The following DYNLT2 variants were observed in gnomAD, a reference collection of about 807,000 sequenced individuals.
The protein encoded by DYNLT2 is dynein light chain Tctex-type protein 2.
A neutral mutation model predicts 24.3 loss-of-function variants in DYNLT2; 24 were observed. The observed-to-expected ratio is 0.99, with a 90% CI of 0.71 to 1.39. The LOEUF (loss-of-function observed/expected upper bound fraction) is 1.39, where lower values mean the gene tolerates loss of function less well. Among genes scored for constraint, DYNLT2 ranks in the 40% most tolerant of loss-of-function variants. The pLI, the probability that DYNLT2 is intolerant of heterozygous loss-of-function variation, is 0.00. For missense variants in DYNLT2, 246 were observed against 234.5 expected (o/e 1.05, Z -0.32); for synonymous variants, 85 against 85.4 (o/e 1.00, Z 0.03).
chr6:169,749,801 A>C (rs75068537), intron 1 of DYNLT2: 156 of 152,350 alleles, frequency 1.0e-3, no homozygotes, highest in African/African-American at 3.3e-3. Context: ...ACTAGAAAAA[A>C]AGAAATGGAG....
the DYNLT2 span, among the ~76,000 whole-genome samples, chr6:169,729,695 A>G: frequency 6.6e-6 from 1 of 152,210 alleles, no homozygotes; most frequent in Non-Finnish European, 1.5e-5. Context: ...TTAGATTTAC[A>G]TGAGGTCACG....
chr6:169,739,686 C>G (rs190462580), downstream of DYNLT2, among the ~76,000 whole-genome samples: 5 of 152,124 alleles, frequency 3.3e-5, no homozygotes, highest in Admixed American at 2.0e-4. Flanking sequence ...TTGGCTGGAG[C>G]GGGAGGATAT....
At chr6:169,743,700 ACTT>A (rs1789729935) in intron 2 of DYNLT2, among the ~76,000 whole-genome samples, 2 of 152,304 alleles carry the variant, frequency 1.3e-5, no homozygotes, top group Non-Finnish European at 2.9e-5. Flanking sequence ...TATTAAAACT[ACTT>A]CTTTCCAGCC....
chr6:169,727,633 G>A, the DYNLT2 span, among the ~76,000 whole-genome samples: 2 of 151,742 alleles, frequency 1.3e-5, no homozygotes, highest in Admixed American at 6.6e-5. Context: ...GCCTGATCTC[G>A]GCTCACTGCA....
At chr6:169,729,491 C>A in the DYNLT2 span, among the ~76,000 whole-genome samples, 1 of 152,132 alleles carries the variant, frequency 6.6e-6, no homozygotes, top group Non-Finnish European at 1.5e-5. Flanking sequence ...GGAAGCTATA[C>A]AACTACATGC....
chr6:169,742,852 GCCTC>G (rs1789709331), intron 3 of DYNLT2, among the ~76,000 whole-genome samples: 2 of 152,178 alleles, frequency 1.3e-5, no homozygotes, highest in Non-Finnish European at 2.9e-5. Flanking sequence ...ACCTGCCTCA[GCCTC>G]CCAAACTACT....
At chr6:169,745,675 T>C (rs1320237276) in intron 1 of DYNLT2, among the ~76,000 whole-genome samples, 1 of 152,220 alleles carries the variant, frequency 6.6e-6, no homozygotes, top group Non-Finnish European at 1.5e-5. Flanking sequence ...TTCAGTTTGC[T>C]AGTATTTCGT....
intron 1 of DYNLT2, 176 bp downstream of exon 1, chr6:169,751,163 A>T: frequency 1.1e-6 from 1 of 939,974 alleles, no homozygotes; most frequent in Non-Finnish European, 1.6e-6. Context: ...TCCAAAGGGG[A>T]CTGCCCAACT....
the DYNLT2 span, among the ~76,000 whole-genome samples, chr6:169,726,049 C>T: frequency 6.6e-6 from 1 of 152,244 alleles, no homozygotes; most frequent in Admixed American, 6.5e-5. Flanking sequence ...ACACCATATT[C>T]TACATTGCAA....
At chr6:169,730,971 C>T in the DYNLT2 span, among the ~76,000 whole-genome samples, 2 of 152,192 alleles carry the variant, frequency 1.3e-5, no homozygotes, top group East Asian at 3.9e-4. Context: ...TGATACTACC[C>T]TTTTATAGGA....
At chr6:169,740,812 T>G (rs1183098153) in intron 3 of DYNLT2, among the ~76,000 whole-genome samples, 1 of 102,610 alleles carries the variant, frequency 9.7e-6, no homozygotes, top group Non-Finnish European at 1.8e-5. Context: ...TGGCCCCAAT[T>G]TTTTTTTTTT....
At chr6:169,728,299 ATAAGAT>A in the DYNLT2 span, among the ~76,000 whole-genome samples, 2 of 152,252 alleles carry the variant, frequency 1.3e-5, no homozygotes, top group Admixed American at 1.3e-4. Flanking sequence ...GGAGATTTCA[ATAAGAT>A]TAGAGAATGG....
the DYNLT2 span, chr6:169,725,659 AAC>A: frequency 1.9e-5 from 4 of 207,904 alleles, no homozygotes; most frequent in African/African-American, 6.9e-5. Context: ...AAAAAACAAA[AAC>A]AAAAAAAAAC....
intron 3 of DYNLT2, among the ~76,000 whole-genome samples, chr6:169,742,811 C>T (rs1402191629): frequency 2.0e-5 from 3 of 152,144 alleles, no homozygotes; most frequent in African/African-American, 7.2e-5. Context: ...GTTAGCCAGG[C>T]TGGTCTCAAA....
At chr6:169,732,102 A>G in the DYNLT2 span, among the ~76,000 whole-genome samples, 9 of 152,194 alleles carry the variant, frequency 5.9e-5, no homozygotes, top group Non-Finnish European at 1.0e-4. Context: ...TGTGGTCAAG[A>G]TTAGCATCAA....
chr6:169,750,436 A>T (rs1271181736), intron 1 of DYNLT2: 1 of 152,200 alleles, frequency 6.6e-6, no homozygotes, highest in Non-Finnish European at 1.5e-5. Flanking sequence ...TAAAATGTAG[A>T]CACCAGGGAA....
chr6:169,744,210 G>A lies in DYNLT2; in HGVS notation c.185C>T (p.Pro62Leu). 1 of 1,613,778 alleles carries A rather than the reference G, an allele frequency of 6.2e-7. No homozygotes were observed. Among genetic ancestry groups the A allele is most frequent in the Non-Finnish European group, 8.5e-7 (1 of 1,179,984 alleles). The change falls in exon 2 of 4, where the codon CCT becomes CTT. Residue 62 changes from proline (P) to leucine (L), a missense_variant. Transcript: ENST00000366774. Reference sequence around the variant, plus strand: ...TATATCAGCAATTGAGTCATCAAAAGGAGGCTCCACATACTGAACATTGTG... The same window carrying A: ...TATATCAGCAATTGAGTCATCAAAAAGAGGCTCCACATACTGAACATTGTG... ...SIHNVQYVEP[P>L]FDDSIADIGK...
chr6:169,734,528 C>T, the DYNLT2 span, among the ~76,000 whole-genome samples: 2 of 152,188 alleles, frequency 1.3e-5, no homozygotes, highest in Admixed American at 6.5e-5. Flanking sequence ...TATCAATCTG[C>T]ATCTATTGAG....
rs146497400 is a variant in DYNLT2 at position 169,751,339 on chromosome 6, T to C, written c.120A>G (p.Ala40=). 6.2e-7 allele frequency: 1 copy of C among 1,613,764 alleles called. No individual in the cohort carries two copies. Residue 40 remains alanine (A), a splice_region_variant and synonymous_variant, in exon 1 of 4, where the codon GCA becomes GCG. Transcript: ENST00000366774. ...GGCCCCTAGCAGTCTCCGCACTCAC[T>C]GCCTCCTTCTCGAACATGCTAGGCC... is the stretch of plus-strand genomic sequence containing the variant. ...ERRPSMFEKE[A]YTQILRERLR...
Sources: allele counts gnomAD v4.1 joint callset (sites outside exome capture counted in the v4.1 genomes callset), GRCh38; gene constraint gnomAD v4.1.1; transcripts MANE v1.5; gene names NCBI Gene and HGNC (gene_info 2026-07-23, HGNC 2026-07-21).